The following ADAMTS20 variants were observed in gnomAD, a reference collection of about 807,000 sequenced individuals.
ADAMTS20 encodes the protein A disintegrin and metalloproteinase with thrombospondin motifs 20.
A neutral mutation model predicts 260.1 loss-of-function variants in ADAMTS20; 225 were observed. That is an observed-to-expected ratio of 0.87 (90% CI 0.78 to 0.97). The LOEUF is 0.97. ADAMTS20 is among the 50% of genes least tolerant of loss of function. The pLI, the probability that ADAMTS20 is intolerant of heterozygous loss-of-function variation, is 0.00. For synonymous variants in ADAMTS20, 802 were observed against 769.5 expected (o/e 1.04, Z -0.70); for missense variants, 2,400 against 2,337.7 (o/e 1.03, Z -0.55).
At chr12:43,425,066 A>G (rs534601537) in intron 28 of ADAMTS20, among the ~76,000 whole-genome samples, 85 of 152,334 alleles carry the variant, frequency 5.6e-4, no homozygotes, top group African/African-American at 1.9e-3. Flanking sequence ...AGCACAGAAT[A>G]CTATGCAGCC....
chr12:43,369,980 A>C (rs1025881671), intron 36 of ADAMTS20, among the ~76,000 whole-genome samples: 2 of 152,146 alleles, frequency 1.3e-5, no homozygotes, highest in African/African-American at 2.4e-5. Flanking sequence ...GAGCCATTGG[A>C]TTAAAACAGG....
At chr12:43,408,140 T>G (rs1468382497) in intron 28 of ADAMTS20, among the ~76,000 whole-genome samples, 1 of 152,162 alleles carries the variant, frequency 6.6e-6, no homozygotes, top group East Asian at 1.9e-4. Context: ...TTATTGTGAA[T>G]TTACTTTTTC....
At chr12:43,455,153 G>A (rs1941941521) in intron 11 of ADAMTS20, among the ~76,000 whole-genome samples, 1 of 152,124 alleles carries the variant, frequency 6.6e-6, no homozygotes, top group African/African-American at 2.4e-5. Context: ...TATAGTACTA[G>A]TCTTCATGTG....
intron 11 of ADAMTS20, among the ~76,000 whole-genome samples, chr12:43,456,087 G>A (rs1364515554): frequency 6.6e-6 from 1 of 152,142 alleles, no homozygotes; most frequent in Non-Finnish European, 1.5e-5. Flanking sequence ...TGTGAGGAAT[G>A]GCCACACTGT....
At chr12:43,538,750 T>C (rs1943331831) in intron 2 of ADAMTS20, among the ~76,000 whole-genome samples, 1 of 152,190 alleles carries the variant, frequency 6.6e-6, no homozygotes. Context: ...CTGATATTTA[T>C]TATTACATTG....
At chr12:43,388,349 C>T (rs142556903) in intron 29 of ADAMTS20, among the ~76,000 whole-genome samples, 1 of 152,290 alleles carries the variant, frequency 6.6e-6, no homozygotes, top group East Asian at 1.9e-4. Flanking sequence ...GTTCACCCTC[C>T]GTGGGCTGTA....
At chr12:43,397,962 C>G (rs546371271) in intron 29 of ADAMTS20, among the ~76,000 whole-genome samples, 1 of 152,238 alleles carries the variant, frequency 6.6e-6, no homozygotes, top group African/African-American at 2.4e-5. Context: ...CATTGACATG[C>G]TGAGCGCAAA....
At position 43,478,797 on chromosome 12, in the gene ADAMTS20, A is replaced by T. The variant is rs12829389; in HGVS notation, c.1118-10092T>A. The stretch of plus-strand genomic sequence containing the variant: ...TGAAAATAAGAGTATTTGCCTGTTA[A>T]ATCAGGAAAAAACTGAAACCTATGA... On this transcript the variant is annotated intron_variant, in intron 7 of 38. Coordinates refer to ENST00000389420, the MANE Select transcript of ADAMTS20 (RefSeq NM_025003.5). Among the ~76,000 whole-genome samples, 663 of 152,310 alleles carry T rather than the reference A, an allele frequency of 4.4e-3. 2 individuals carry two copies. Among genetic ancestry groups the T allele is most frequent in the Non-Finnish European group, 7.0e-3 (475 of 68,024 alleles).
chr12:43,372,803 A>G (rs540431213), intron 36 of ADAMTS20, among the ~76,000 whole-genome samples: 1 of 152,314 alleles, frequency 6.6e-6, no homozygotes, highest in African/African-American at 2.4e-5. Flanking sequence ...GCAAGGAGAT[A>G]GGTAAAGATT....
intron 3 of ADAMTS20, among the ~76,000 whole-genome samples, chr12:43,529,248 C>T (rs113757847): frequency 1.3e-5 from 2 of 152,100 alleles, no homozygotes; most frequent in South Asian, 2.1e-4. Context: ...TATGGAGATT[C>T]CTTAAAGAAC....
At chr12:43,516,761 G>A (rs760054683) in intron 3 of ADAMTS20, among the ~76,000 whole-genome samples, 1 of 151,734 alleles carries the variant, frequency 6.6e-6, no homozygotes, top group Admixed American at 6.6e-5. Flanking sequence ...TGCACGTTGT[G>A]CACATGTACC....
intron 3 of ADAMTS20, among the ~76,000 whole-genome samples, chr12:43,528,410 T>A (rs2137497119): frequency 1.5e-5 from 2 of 130,286 alleles, no homozygotes; most frequent in Middle Eastern, 0.01. Flanking sequence ...CAACTTCCAA[T>A]TATACTACAA....
chr12:43,412,704 T>G (rs1446050216), intron 28 of ADAMTS20, among the ~76,000 whole-genome samples: 1 of 152,118 alleles, frequency 6.6e-6, no homozygotes, highest in African/African-American at 2.4e-5. Flanking sequence ...TCTGATTATC[T>G]TCCCTATTTC....
intron 14 of ADAMTS20, among the ~76,000 whole-genome samples, chr12:43,447,894 G>T (rs746943742): frequency 3.3e-5 from 5 of 152,010 alleles, no homozygotes; most frequent in Non-Finnish European, 5.9e-5. Context: ...CTTCACAATG[G>T]CCACCAAACG....
intron 29 of ADAMTS20, among the ~76,000 whole-genome samples, chr12:43,397,624 G>A (rs1395155950): frequency 6.6e-6 from 1 of 152,146 alleles, no homozygotes; most frequent in Non-Finnish European, 1.5e-5. Context: ...TTAGTAGAGA[G>A]TAGTGACATT....
intron 26 of ADAMTS20, among the ~76,000 whole-genome samples, chr12:43,427,690 T>C (rs1479094547): frequency 6.6e-6 from 1 of 152,218 alleles, no homozygotes; most frequent in Non-Finnish European, 1.5e-5. Context: ...GACTTTCAAG[T>C]TTGCATTAGG....
At chr12:43,503,936 C>T (rs776982665) in intron 3 of ADAMTS20, among the ~76,000 whole-genome samples, 2 of 152,064 alleles carry the variant, frequency 1.3e-5, no homozygotes, top group East Asian at 3.8e-4. Flanking sequence ...TATATATGTA[C>T]CACCATTTTC....
At chr12:43,513,353 G>A (rs1942951237) in intron 3 of ADAMTS20, among the ~76,000 whole-genome samples, 1 of 152,106 alleles carries the variant, frequency 6.6e-6, no homozygotes, top group African/African-American at 2.4e-5. Context: ...AAGCTGCATG[G>A]AAGATTCCTG....
At chr12:43,528,642 G>C (rs898250595) in intron 3 of ADAMTS20, among the ~76,000 whole-genome samples, 23 of 151,896 alleles carry the variant, frequency 1.5e-4, no homozygotes, top group African/African-American at 5.3e-4. Context: ...CTCTCCCCTT[G>C]TACAAAAATC....
Sources: allele counts gnomAD v4.1 joint callset (sites outside exome capture counted in the v4.1 genomes callset), GRCh38; gene constraint gnomAD v4.1.1; transcripts MANE v1.5; gene names NCBI Gene and HGNC (gene_info 2026-07-23, HGNC 2026-07-21).